The following PSMD6 variants were observed in gnomAD, a reference collection of about 807,000 sequenced individuals.
PSMD6 encodes the protein 26S proteasome non-ATPase regulatory subunit 6.
In PSMD6, 7 loss-of-function variants were observed where a neutral mutation model predicts 44.9. The ratio of observed to expected loss-of-function variants is 0.16; its 90% CI spans 0.09 to 0.29. The LOEUF is 0.29. Ranked by LOEUF, PSMD6 falls within the 10% of genes least tolerant of loss-of-function variation. PSMD6 has a pLI of 1.00. For synonymous variants in PSMD6, 184 were observed against 172.7 expected (o/e 1.07, Z -0.51); for missense variants, 420 against 482.6 (o/e 0.87, Z 1.21).
intron 3 of PSMD6, 121 bp from the exon 4 acceptor site, chr3:64,019,158 A>C (rs2076092741): frequency 1.4e-6 from 2 of 1,382,414 alleles, no homozygotes; most frequent in Admixed American, 4.4e-5. Flanking sequence ...GGAGATATTT[A>C]AATTATTTTA....
chr3:64,013,871 T>TTGTC, intron 5 of PSMD6: 1 of 317,268 alleles, frequency 3.2e-6, no homozygotes. Context: ...TGTTCATAGA[T>TTGTC]GACAAAGTTC....
At chr3:64,017,424 A>G (rs1463311426) in intron 5 of PSMD6, 1 of 152,092 alleles carries the variant, frequency 6.6e-6, no homozygotes, top group African/African-American at 2.4e-5. Flanking sequence ...GGGAGCATAC[A>G]ATAAGAATCC....
In PSMD6 at chr3:64,018,071, C is replaced by G. The variant is rs1255413574; in HGVS notation, c.826+528G>C. On this transcript the variant is annotated intron_variant, in intron 5 of 7. Coordinates refer to ENST00000295901, the MANE Select transcript of PSMD6 (RefSeq NM_014814.3). ...AAGAGATTATTTTCTTAACCCATAG[C>G]CCTTGAAAATGATTTGCAAATCAGC... is the stretch of plus-strand genomic sequence containing the variant. Among the ~76,000 whole-genome samples the G allele has an allele frequency of 2.6e-5, 4 of 152,124 alleles. No individual in the cohort carries two copies. In the East Asian group the frequency reaches 7.7e-4, roughly 29 times the overall value.
intron 2 of PSMD6, chr3:64,019,696 T>G: frequency 2.5e-6 from 1 of 396,300 alleles, no homozygotes. Flanking sequence ...GGAAAACAAT[T>G]TAAGAAAAAT....
At position 64,023,231 on chromosome 3, in the gene PSMD6, G is replaced by T. The variant is rs192496334; in HGVS notation, c.145+44C>A. The T allele has an allele frequency of 1.0e-4, 157 of 1,499,572 alleles. No individual in the cohort carries two copies. The African/African-American group carries it at 2.1e-3, about 20-fold the overall frequency. The allele number at this position is 1,499,572 out of a possible 1,614,324, so 92.9% of individuals were successfully genotyped here. On this transcript the variant is annotated intron_variant, in intron 1 of 7. Coordinates refer to ENST00000295901, the MANE Select transcript of PSMD6 (RefSeq NM_014814.3). Reference sequence around the variant, plus strand: ...CCCGCAGGCTCCGGAACGCGGGGACGGCCCAGGCCTAGGCCGCTGACTCGG... The same window carrying T: ...CCCGCAGGCTCCGGAACGCGGGGACTGCCCAGGCCTAGGCCGCTGACTCGG...
intron 5 of PSMD6, chr3:64,017,018 G>T (rs2076054533): frequency 6.6e-6 from 1 of 152,152 alleles, no homozygotes; most frequent in Non-Finnish European, 1.5e-5. Flanking sequence ...GGATGAATGT[G>T]GGAACATTAT....
At chr3:64,014,914 G>A (rs1320123053) in intron 5 of PSMD6, 1 of 152,270 alleles carries the variant, frequency 6.6e-6, no homozygotes, top group African/African-American at 2.4e-5. Context: ...GTCTAAGGCA[G>A]TCAGACACTG....
intron 5 of PSMD6, chr3:64,016,859 C>A (rs960516003): frequency 1.3e-5 from 2 of 152,126 alleles, no homozygotes; most frequent in Non-Finnish European, 2.9e-5. Context: ...CACAAATCTT[C>A]ATTATAGCAT....
Position 64,013,556 on chromosome 3 carries a change from C to T in PSMD6, c.878G>A (p.Arg293Gln), listed in dbSNP as rs150562554. 6.8e-6 allele frequency: 11 copies of T among 1,612,374 alleles called. No individual in the cohort carries two copies. The highest frequency in any genetic ancestry group is 4.4e-5 in the South Asian group (4 of 90,658). Reference sequence around the variant, plus strand: ...AATTCTCATTTCTCTTACATAGTATCGATAATGAGGGGCAAAAAGCCAGTC... The same window carrying T: ...AATTCTCATTTCTCTTACATAGTATTGATAATGAGGGGCAAAAAGCCAGTC... ...KKDWLFAPHY[R>Q]YYVREMRIHA... Residue 293 changes from arginine (R) to glutamine (Q), a missense_variant, in exon 6 of 8, where the codon CGA (arginine) becomes CAA (glutamine). By Grantham distance (43) the Arg-to-Gln change is conservative. This residue lies in a region of PSMD6 where 63 missense variants were observed against 112.1 expected (regional missense o/e 0.56). Transcript: ENST00000295901.
Position 64,023,022 on chromosome 3 carries a change from C to T in PSMD6, c.145+253G>A, listed in dbSNP as rs913648334. 5.6e-6 allele frequency: 8 copies of T among 1,423,622 alleles called. No homozygotes were observed. In the African/African-American group the frequency reaches 1.2e-4, roughly 21 times the overall value. The allele number at this position is 1,423,622 out of a possible 1,614,324, so 88.2% of individuals were successfully genotyped here. On this transcript the variant is annotated intron_variant, in intron 1 of 7. Coordinates refer to ENST00000295901, the MANE Select transcript of PSMD6 (RefSeq NM_014814.3). Reference sequence around the variant, plus strand: ...CTAGCACAGGGGTAAATATTAATGCCTCACGATTCTCCCCCAAGCTGCCCT... The same window carrying T: ...CTAGCACAGGGGTAAATATTAATGCTTCACGATTCTCCCCCAAGCTGCCCT...
chr3:64,018,637 A>C lies in PSMD6; in HGVS notation c.788T>G (p.Leu263Arg), dbSNP rs1005420553. The C allele has an allele frequency of 6.3e-7, 1 of 1,598,352 alleles. No homozygotes were observed. The highest frequency in any genetic ancestry group is 1.7e-5 in the Admixed American group (1 of 59,946). ...GAAAACAGAGTAACGGCATTCATAG[A>C]GTGAAAACAGATACTGCCGAACTGC... ...LPAVRQYLFS[L>R]YECRYSVFFQ... The change falls in exon 5 of 8, where the codon CTC (leucine) becomes CGC (arginine). Residue 263 changes from leucine (L) to arginine (R), a missense_variant. Around this residue, in one of 4 missense-constraint regions of PSMD6, gnomAD observed 216 missense variants for 227.0 expected, o/e 0.95. Transcript: ENST00000295901.
Position 64,018,954 on chromosome 3 carries a change from A to G in PSMD6, c.581T>C (p.Phe194Ser). Residue 194 changes from phenylalanine (F) to serine (S), a missense_variant, in exon 4 of 8, where the codon TTC (phenylalanine) becomes TCC (serine). Transcript: ENST00000295901. ...AAGGAAGAGTTCAGCTGCCTGTTTG[A>G]AATCACGAATAGCCACACAATAAAG... ...QGLYCVAIRD[F>S]KQAAELFLDT... 6.2e-7 allele frequency: 1 copy of G among 1,611,992 alleles called. No individual in the cohort carries two copies. The highest frequency in any genetic ancestry group is 8.5e-7 in the Non-Finnish European group (1 of 1,178,068).
chr3:64,023,475 CAGCGGA>C lies in PSMD6; in HGVS notation c.-62_-57del. On this transcript the variant is annotated 5_prime_UTR_variant, in exon 1 of 8. Transcript: ENST00000295901. Reference sequence around the variant, plus strand: ...ACAACTTGGTTACGACCGGCTGCGGCAGCGGAAGCGGGAGGAGTCGGCGAATACGCC... The same window carrying C: ...ACAACTTGGTTACGACCGGCTGCGGCAGCGGGAGGAGTCGGCGAATACGCC... 1 of 1,502,514 alleles carries C rather than the reference CAGCGGA, an allele frequency of 6.7e-7. No homozygotes were observed. The highest frequency in any genetic ancestry group is 1.3e-5 in the South Asian group (1 of 79,046). The allele number at this position is 1,502,514 out of a possible 1,614,324, so 93.1% of individuals were successfully genotyped here.
intron 5 of PSMD6, chr3:64,016,140 T>G (rs2076040440): frequency 6.6e-6 from 1 of 151,952 alleles, no homozygotes; most frequent in Non-Finnish European, 1.5e-5. Context: ...TGAGCCAAGG[T>G]CATGTCACTG....
intron 6 of PSMD6, 127 bp downstream of exon 6, chr3:64,013,312 A>T (rs41276489): frequency 0.017 from 16,606 of 965,526 alleles, 188 homozygotes; most frequent in Non-Finnish European, 0.022. Flanking sequence ...AATACTGAGG[A>T]AAAAAACCTC....
intron 5 of PSMD6, 43 bp downstream of exon 5, chr3:64,018,556 T>A: frequency 7.1e-7 from 1 of 1,400,622 alleles, no homozygotes; most frequent in Non-Finnish European, 1.0e-6. Context: ...GGATCAGGAG[T>A]AAGATGAAGA....
intron 2 of PSMD6, among the ~76,000 whole-genome samples, chr3:64,020,755 C>A (rs2106871424): frequency 6.6e-6 from 1 of 152,324 alleles, no homozygotes; most frequent in African/African-American, 2.4e-5. Flanking sequence ...ACTATCAGTA[C>A]TCCTGTTTTA....
intron 2 of PSMD6, among the ~76,000 whole-genome samples, chr3:64,021,435 T>G (rs1318102068): frequency 6.6e-6 from 1 of 152,234 alleles, no homozygotes; most frequent in Non-Finnish European, 1.5e-5. Flanking sequence ...GAATTAAAAA[T>G]TTCTGCAAGT....
intron 5 of PSMD6, chr3:64,013,847 C>A: frequency 2.9e-6 from 1 of 349,632 alleles, no homozygotes; most frequent in Non-Finnish European, 5.1e-6. Context: ...CAGAGCTCAG[C>A]TTCTAAAGGA....
Sources: allele counts gnomAD v4.1 joint callset (sites outside exome capture counted in the v4.1 genomes callset), GRCh38; gene constraint gnomAD v4.1.1; regional missense constraint gnomAD v4.1.1; transcripts MANE v1.5; gene names NCBI Gene and HGNC (gene_info 2026-07-23, HGNC 2026-07-21).